Variants in PTPRG observed in about 807,000 individuals in gnomAD.
PTPRG encodes protein tyrosine phosphatase receptor type G, also known as receptor-type tyrosine-protein phosphatase gamma.
PTPRG carries 102 observed loss-of-function variants against 165.3 expected under a neutral mutation model. The ratio of observed to expected loss-of-function variants is 0.62; its 90% CI spans 0.53 to 0.73. PTPRG has a LOEUF of 0.73. Ranked by LOEUF, PTPRG falls within the 30% of genes least tolerant of loss-of-function variation. The pLI is 0.00. For missense variants in PTPRG, 1,866 were observed against 1,861.4 expected, an observed-to-expected ratio of 1.00 and a Z score of -0.05; for synonymous variants, 675 against 669.5, an observed-to-expected ratio of 1.01 and a Z score of -0.13.
chr3:61,635,378 CAG>C (rs1240147774), intron 1 of PTPRG, among the ~76,000 whole-genome samples: 1 of 150,028 alleles, frequency 6.7e-6, no homozygotes, highest in African/African-American at 2.4e-5. Flanking sequence ...TTATTAGAGA[CAG>C]AGTCTCACTC....
chr3:61,623,934 G>A (rs1003514180), intron 1 of PTPRG, among the ~76,000 whole-genome samples: 10 of 152,274 alleles, frequency 6.6e-5, no homozygotes, highest in African/African-American at 9.6e-5. Flanking sequence ...GTGTTTATTC[G>A]GAAATGCTGT....
intron 2 of PTPRG, among the ~76,000 whole-genome samples, chr3:61,903,619 C>T (rs1247651265): frequency 1.3e-5 from 2 of 152,124 alleles, no homozygotes; most frequent in African/African-American, 4.8e-5. Context: ...GGTGATCCAC[C>T]CACTTTGGCC....
chr3:62,126,425 C>T lies in PTPRG; in HGVS notation c.616-6177C>T, dbSNP rs1208716737. 3.9e-5 allele frequency among the ~76,000 whole-genome samples: 6 copies of T among 152,240 alleles called. No homozygotes were observed. The East Asian group carries it at 7.7e-4, about 20-fold the overall frequency. ...GTAAGCCATGTCCGTGCTCAAGCTG[C>T]GTTTGAAGTGGGGAGGGTGAATCCT... is the stretch of plus-strand genomic sequence containing the variant. On this transcript the variant is annotated intron_variant, in intron 5 of 29. Transcript: ENST00000474889.
In PTPRG at chr3:61,808,372, A is replaced by G. The variant is rs182452632; in HGVS notation, c.190+59390A>G. Among the ~76,000 whole-genome samples the G allele has an allele frequency of 2.7e-3, 408 of 152,246 alleles. 3 individuals carry two copies. The highest frequency in any genetic ancestry group is 0.013 in the South Asian group (61 of 4,822). On this transcript the variant is annotated intron_variant, in intron 2 of 29. Transcript: ENST00000474889. ...GCAGCTCATCAGAAACCCCTGGTGA[A>G]CTTTGTACGTGGCACTCACCCCTAT...
chr3:61,932,556 G>A (rs1311615543), intron 2 of PTPRG, among the ~76,000 whole-genome samples: 1 of 152,186 alleles, frequency 6.6e-6, no homozygotes, highest in African/African-American at 2.4e-5. Flanking sequence ...CTGTGTGCAA[G>A]GCGCTGTTTT....
chr3:61,601,795 T>TCAGGAAAA (rs1700876250), intron 1 of PTPRG, among the ~76,000 whole-genome samples: 1 of 152,152 alleles, frequency 6.6e-6, no homozygotes, highest in Non-Finnish European at 1.5e-5. Context: ...ATCATGGAAA[T>TCAGGAAAA]CAGGAATTGG....
At chr3:62,247,023 A>G (rs1363986681) in intron 15 of PTPRG, among the ~76,000 whole-genome samples, 3 of 152,150 alleles carry the variant, frequency 2.0e-5, no homozygotes, top group African/African-American at 7.2e-5. Context: ...CAGGGTCATC[A>G]CTGTGGAATA....
At chr3:61,936,468 A>C (rs1171714093) in intron 2 of PTPRG, among the ~76,000 whole-genome samples, 2 of 152,166 alleles carry the variant, frequency 1.3e-5, no homozygotes, top group African/African-American at 4.8e-5. Flanking sequence ...CATGGGCATC[A>C]TCATAGTTTA....
intron 2 of PTPRG, among the ~76,000 whole-genome samples, chr3:61,785,804 G>T (rs116092107): frequency 7.4e-4 from 112 of 152,228 alleles, no homozygotes; most frequent in African/African-American, 2.6e-3. Flanking sequence ...TGAACATATA[G>T]GTAGGGTCAT....
intron 4 of PTPRG, among the ~76,000 whole-genome samples, chr3:62,036,983 G>A (rs75920817): frequency 2.9e-4 from 43 of 150,558 alleles, no homozygotes; most frequent in African/African-American, 5.8e-4. Context: ...GCGCGCGCAC[G>A]CACACACACA....
At chr3:61,684,948 A>T (rs1703572641) in intron 1 of PTPRG, among the ~76,000 whole-genome samples, 4 of 152,172 alleles carry the variant, frequency 2.6e-5, no homozygotes, top group South Asian at 4.2e-4. Context: ...TGACCTTGGG[A>T]CAAATTATTT....
At chr3:61,604,735 A>G (rs1402573792) in intron 1 of PTPRG, among the ~76,000 whole-genome samples, 1 of 150,802 alleles carries the variant, frequency 6.6e-6, no homozygotes, top group African/African-American at 2.4e-5. Context: ...CTTGCTTGCC[A>G]TGAGTTTTTT....
chr3:61,728,480 G>A (rs2032352439), intron 1 of PTPRG, among the ~76,000 whole-genome samples: 1 of 152,110 alleles, frequency 6.6e-6, no homozygotes. Context: ...CTACTCGGGA[G>A]GTTGAGGCAA....
chr3:62,235,445 G>T (rs992713872), intron 14 of PTPRG, among the ~76,000 whole-genome samples: 6 of 152,186 alleles, frequency 3.9e-5, no homozygotes, highest in African/African-American at 1.2e-4. Context: ...AACTGTCACG[G>T]TCTCATCAAA....
intron 1 of PTPRG, among the ~76,000 whole-genome samples, chr3:61,570,113 C>G (rs1700022655): frequency 6.6e-6 from 1 of 152,146 alleles, no homozygotes; most frequent in Non-Finnish European, 1.5e-5. Context: ...GGGAAGCAAA[C>G]AGTAGTTGGG....
chr3:62,081,988 T>C (rs910792530), intron 5 of PTPRG, among the ~76,000 whole-genome samples: 10 of 152,206 alleles, frequency 6.6e-5, no homozygotes, highest in African/African-American at 2.4e-4. Context: ...AACCTCACTG[T>C]CATGGTCCCA....
At position 62,113,539 on chromosome 3, in the gene PTPRG, A is replaced by G. The variant is rs539826203; in HGVS notation, c.616-19063A>G. Among the ~76,000 whole-genome samples the G allele has an allele frequency of 1.1e-4, 17 of 152,252 alleles. 1 individual carries two copies. Among genetic ancestry groups the G allele is most frequent in the Non-Finnish European group, 2.1e-4 (14 of 68,046 alleles). On this transcript the variant is annotated intron_variant, in intron 5 of 29. Transcript: ENST00000474889. ...AAAAATATGAAAATTGACATATGCA[A>G]TATATCAACATTTGAATACAATGTG... is the stretch of plus-strand genomic sequence containing the variant.
At chr3:61,835,390 G>C (rs2036427742) in intron 2 of PTPRG, among the ~76,000 whole-genome samples, 1 of 152,126 alleles carries the variant, frequency 6.6e-6, no homozygotes, top group Non-Finnish European at 1.5e-5. Context: ...CTGGAGTGCA[G>C]TGGTGCGATC....
chr3:61,689,194 C>G (rs553778801), intron 1 of PTPRG, among the ~76,000 whole-genome samples: 3 of 152,142 alleles, frequency 2.0e-5, no homozygotes, highest in Non-Finnish European at 4.4e-5. Context: ...AGCAAAGATC[C>G]CTAACACCAG....
Sources: gnomAD v4.1 joint callset for allele counts (sites outside exome capture counted in the v4.1 genomes callset) on GRCh38, gnomAD v4.1.1 for gene constraint, MANE v1.5 for transcripts, NCBI Gene and HGNC (gene_info 2026-07-23, HGNC 2026-07-21) for gene names.